Variants in LEKR1 observed in about 807,000 individuals in gnomAD.
LEKR1 encodes leucine, glutamate and lysine rich 1, also known as protein LEKR1.
A neutral mutation model predicts 72.4 loss-of-function variants in LEKR1; 59 were observed. The ratio of observed to expected loss-of-function variants is 0.82; its 90% CI spans 0.66 to 1.01. The LOEUF is 1.01. Among genes scored for constraint, LEKR1 ranks in the 50% least tolerant of loss-of-function variants. LEKR1 has a pLI of 0.00. For synonymous variants in LEKR1, 257 were observed against 263.2 expected (o/e 0.98, Z 0.23); for missense variants, 728 against 759.2 (o/e 0.96, Z 0.48).
Position 157,016,678 on chromosome 3 carries a change from G to C in LEKR1, c.1203+5172G>C, listed in dbSNP as rs960297685. On this transcript the variant is annotated intron_variant, in intron 10 of 12. Transcript: ENST00000356539. ...CAGAAATAGTAACACTGTGGGTAAAGATATGGGGTGTTTTTTCATTATTTA... is the reference window on the plus strand; with the variant it reads ...CAGAAATAGTAACACTGTGGGTAAACATATGGGGTGTTTTTTCATTATTTA... 6.6e-5 allele frequency among the ~76,000 whole-genome samples: 10 copies of C among 152,240 alleles called. No individual in the cohort carries two copies. In the Middle Eastern group the frequency reaches 0.017, roughly 259 times the overall value.
intron 9 of LEKR1, among the ~76,000 whole-genome samples, chr3:157,000,352 T>C (rs142392345): frequency 6.6e-5 from 10 of 152,308 alleles, no homozygotes; most frequent in Non-Finnish European, 7.3e-5. Flanking sequence ...GACTAGTGAT[T>C]AGCTATATCT....
chr3:156,872,603 T>C (rs1718084663), intron 3 of LEKR1, among the ~76,000 whole-genome samples: 1 of 152,070 alleles, frequency 6.6e-6, no homozygotes, highest in Non-Finnish European at 1.5e-5. Context: ...CTCTTAGCAC[T>C]GCTTTTGCTA....
At chr3:156,933,897 C>CA (rs1483497093) in intron 5 of LEKR1, among the ~76,000 whole-genome samples, 1 of 152,198 alleles carries the variant, frequency 6.6e-6, no homozygotes, top group Non-Finnish European at 1.5e-5. Context: ...AAGCTTCACT[C>CA]ACTTTGTTCT....
At chr3:157,029,139 A>C (rs929257236) in intron 12 of LEKR1, among the ~76,000 whole-genome samples, 1 of 152,228 alleles carries the variant, frequency 6.6e-6, no homozygotes, top group Non-Finnish European at 1.5e-5. Context: ...TTGGTTTGGC[A>C]TCAGTAAAGG....
rs988021995 is a variant in LEKR1, at chr3:156,871,371, C to G, written c.263+18389C>G. On this transcript the variant is annotated intron_variant, in intron 3 of 12. Transcript: ENST00000356539. ...CAGTCTATCATTGTTGGACATTTGG[C>G]TTTGTTCCAAGTCTTTGCTATTCTG... 2.5e-4 allele frequency among the ~76,000 whole-genome samples: 38 copies of G among 152,226 alleles called. No homozygotes were observed. The East Asian group carries it at 3.7e-3, about 15-fold the overall frequency.
intron 10 of LEKR1, among the ~76,000 whole-genome samples, chr3:157,014,645 G>A (rs1733162535): frequency 6.6e-6 from 1 of 152,008 alleles, no homozygotes; most frequent in South Asian, 2.1e-4. Context: ...GAATATTGAG[G>A]ACATGCTTTA....
At chr3:156,956,211 C>T (rs1727619885) in intron 6 of LEKR1, among the ~76,000 whole-genome samples, 1 of 151,980 alleles carries the variant, frequency 6.6e-6, no homozygotes, top group Non-Finnish European at 1.5e-5. Flanking sequence ...GAGGATGTAG[C>T]TTCTGTGTCC....
chr3:157,038,904 C>T (rs1735154796), intron 12 of LEKR1, among the ~76,000 whole-genome samples: 1 of 152,178 alleles, frequency 6.6e-6, no homozygotes, highest in African/African-American at 2.4e-5. Context: ...CCTATCAGTT[C>T]AGTCAGATTT....
At chr3:156,915,993 C>T (rs1182717020) in intron 3 of LEKR1, among the ~76,000 whole-genome samples, 1 of 152,080 alleles carries the variant, frequency 6.6e-6, no homozygotes, top group Non-Finnish European at 1.5e-5. Context: ...AGCCAGTTAC[C>T]CTAGCACCAT....
At chr3:156,830,052 A>G (rs1330684786) in intron 2 of LEKR1, among the ~76,000 whole-genome samples, 1 of 152,242 alleles carries the variant, frequency 6.6e-6, no homozygotes, top group Non-Finnish European at 1.5e-5. Flanking sequence ...CACTTAAGAA[A>G]CTACGTGGTG....
At chr3:157,002,895 A>G (rs1732121174) in intron 9 of LEKR1, among the ~76,000 whole-genome samples, 1 of 152,184 alleles carries the variant, frequency 6.6e-6, no homozygotes, top group Admixed American at 6.5e-5. Flanking sequence ...CCAAAAGGTT[A>G]CATTTAACAT....
In LEKR1 at chr3:156,830,325, C is replaced by G. The variant is rs2108527310; in HGVS notation, c.48+948C>G. Among the ~76,000 whole-genome samples, 3 of 152,274 alleles carry G rather than the reference C, an allele frequency of 2.0e-5. 1 individual carries two copies. In the East Asian group the frequency reaches 5.8e-4, roughly 29 times the overall value. On this transcript the variant is annotated intron_variant, in intron 2 of 12. Coordinates refer to ENST00000356539, the MANE Select transcript of LEKR1 (RefSeq NM_001004316.3). ...ATCATGTTTAGTGCAATTTCATAAG[C>G]TTTGGATAACAACAAAGGACACATT...
At chr3:156,989,069 A>G (rs559937175) in intron 7 of LEKR1, among the ~76,000 whole-genome samples, 1 of 152,172 alleles carries the variant, frequency 6.6e-6, no homozygotes, top group South Asian at 2.1e-4. Context: ...TGACTTCATG[A>G]TCCACCTGCC....
chr3:156,963,122 G>A lies in LEKR1; in HGVS notation c.746-16072G>A, dbSNP rs540047840. ...AATGTTGTCTCCTTCTGCTCATTCA[G>A]ATACCAGTTTCCAATTTATTTAGTC... On this transcript the variant is annotated intron_variant, in intron 6 of 12. Transcript: ENST00000356539. 7.9e-5 allele frequency among the ~76,000 whole-genome samples: 12 copies of A among 152,262 alleles called. No individual in the cohort carries two copies. In the South Asian group the frequency reaches 1.7e-3, roughly 21 times the overall value.
At chr3:156,978,158 CAA>C (rs1268702881) in intron 6 of LEKR1, among the ~76,000 whole-genome samples, 2 of 152,088 alleles carry the variant, frequency 1.3e-5, no homozygotes, top group South Asian at 4.2e-4. Flanking sequence ...ACTGGATAAA[CAA>C]AGGTTTATAC....
At position 156,904,416 on chromosome 3, in the gene LEKR1, T is replaced by TG. The variant is rs1276182593; in HGVS notation, c.264-16158dup. On this transcript the variant is annotated intron_variant, in intron 3 of 12. Transcript: ENST00000356539. ...ATATAAGCTCTATAATACAGAATCA[T>TG]GTTTTTTTTTTTTTACTTTTTAAAA... is the stretch of plus-strand genomic sequence containing the variant. Among the ~76,000 whole-genome samples, 6 of 144,920 alleles carry TG rather than the reference T, an allele frequency of 4.1e-5. No homozygotes were observed. In the South Asian group the frequency reaches 1.2e-3, roughly 28 times the overall value.
intron 7 of LEKR1, among the ~76,000 whole-genome samples, chr3:156,984,743 T>C (rs1730530485): frequency 6.6e-6 from 1 of 151,068 alleles, no homozygotes; most frequent in Non-Finnish European, 1.5e-5. Flanking sequence ...CTTTAATTCC[T>C]TTTTTTTTCT....
chr3:156,859,140 A>C (rs1716445530), intron 3 of LEKR1, among the ~76,000 whole-genome samples: 1 of 152,204 alleles, frequency 6.6e-6, no homozygotes, highest in Non-Finnish European at 1.5e-5. Context: ...AGATCCATTA[A>C]ATTACACTGG....
At chr3:156,951,941 T>C (rs181436901) in intron 6 of LEKR1, among the ~76,000 whole-genome samples, 34 of 151,718 alleles carry the variant, frequency 2.2e-4, no homozygotes, top group Admixed American at 2.0e-3. Context: ...GAGATTCTAA[T>C]GCTTCAAATA....
Sources: gnomAD v4.1 joint callset for allele counts (sites outside exome capture counted in the v4.1 genomes callset) on GRCh38, gnomAD v4.1.1 for gene constraint, MANE v1.5 for transcripts, NCBI Gene and HGNC (gene_info 2026-07-23, HGNC 2026-07-21) for gene names.